The following PCCB variants were observed in gnomAD, a reference collection of about 807,000 sequenced individuals.
PCCB encodes the protein propionyl-CoA carboxylase beta chain, mitochondrial.
A neutral mutation model predicts 60.7 loss-of-function variants in PCCB; 43 were observed. The ratio of observed to expected loss-of-function variants is 0.71; its 90% CI spans 0.55 to 0.91. The LOEUF (loss-of-function observed/expected upper bound fraction) is 0.91, where lower values mean the gene tolerates loss of function less well. PCCB is among the 40% of genes least tolerant of loss of function. The pLI, the probability that PCCB is intolerant of heterozygous loss-of-function variation, is 0.00. For missense variants in PCCB, 766 were observed against 702.8 expected, an observed-to-expected ratio of 1.09 and a Z score of -1.02; for synonymous variants, 276 against 255.9, an observed-to-expected ratio of 1.08 and a Z score of -0.75.
rs557080640 is a variant in PCCB, at chr3:136,258,757, T to C, written c.373-1722T>C. ...TTAATTTCCTTTAGAGAACAAACATTCTCTGTCCTCTCAAGGTGAAGGAGA... is the reference window on the plus strand; with the variant it reads ...TTAATTTCCTTTAGAGAACAAACATCCTCTGTCCTCTCAAGGTGAAGGAGA... On this transcript the variant is annotated intron_variant, in intron 3 of 14. Transcript: ENST00000251654. Among the ~76,000 whole-genome samples, 8 of 152,144 alleles carry C rather than the reference T, an allele frequency of 5.3e-5. No homozygotes were observed. In the South Asian group the frequency reaches 1.7e-3, roughly 32 times the overall value.
In PCCB at chr3:136,329,910, G is replaced by A. The variant is rs763024986; in HGVS notation, c.1504G>A (p.Val502Met). 7.4e-6 allele frequency: 12 copies of A among 1,614,024 alleles called. No homozygotes were observed. The highest frequency in any genetic ancestry group is 1.3e-5 in the African/African-American group (1 of 74,932). ...NPFPAAVRGFVDDIIQPSSTR... is the reference protein window; with the variant it reads ...NPFPAAVRGFMDDIIQPSSTR... ...CCTTTTCTGTGCTTCACCAGGGTTT[G>A]TGGATGACATCATCCAACCTTCTTC... Residue 502 changes from valine to methionine, a missense_variant, in exon 15 of 15, where the codon GTG (valine) becomes ATG (methionine). Transcript: ENST00000251654.
intron 5 of PCCB, among the ~76,000 whole-genome samples, chr3:136,270,830 C>T (rs1161586698): frequency 1.3e-5 from 2 of 151,940 alleles, no homozygotes; most frequent in African/African-American, 2.4e-5. Flanking sequence ...TAATTATGGC[C>T]GTTTTTGTAG....
At chr3:136,252,851 C>T (rs542273725) in intron 1 of PCCB, among the ~76,000 whole-genome samples, 2 of 150,878 alleles carry the variant, frequency 1.3e-5, no homozygotes, top group African/African-American at 4.9e-5. Flanking sequence ...AAATTGGTTT[C>T]CTGAAAACTT....
chr3:136,264,440 G>GTGTATATATATATATATATA, intron 5 of PCCB, among the ~76,000 whole-genome samples: 1,979 of 123,398 alleles, frequency 0.016, 134 homozygotes, highest in African/African-American at 0.052. Context: ...ATGTGTGTGT[G>GTGTATATATATATATATATA]TATATATGTA....
At chr3:136,311,398 A>G (rs1934661293) in intron 9 of PCCB, among the ~76,000 whole-genome samples, 1 of 152,118 alleles carries the variant, frequency 6.6e-6, no homozygotes, top group Non-Finnish European at 1.5e-5. Flanking sequence ...GTCACCCAGG[A>G]TGGAGTGCAG....
rs778065472 is a variant in PCCB at position 136,301,131 on chromosome 3, G to A, written c.966+20G>A. ...CACTCTGTAAGTGCCACATCTGTTT[G>A]TCTTGCCTGTCCTAGTCAGCCACAT... On this transcript the variant is annotated intron_variant, in intron 9 of 14. Coordinates refer to ENST00000251654, the MANE Select transcript of PCCB (RefSeq NM_000532.5). 8 of 1,589,422 alleles carry A rather than the reference G, an allele frequency of 5.0e-6. No individual in the cohort carries two copies. The highest frequency in any genetic ancestry group is 6.9e-6 in the Non-Finnish European group (8 of 1,157,462).
intron 11 of PCCB, 104 bp from the exon 12 acceptor site, chr3:136,327,051 T>G (rs375524787): frequency 4.9e-5 from 59 of 1,198,208 alleles, no homozygotes; most frequent in South Asian, 4.0e-4. Flanking sequence ...TAGGGCTGTG[T>G]AAGGAATGGC....
intron 5 of PCCB, among the ~76,000 whole-genome samples, chr3:136,271,789 G>A (rs1942209742): frequency 6.6e-6 from 1 of 151,928 alleles, no homozygotes; most frequent in Non-Finnish European, 1.5e-5. Context: ...AAGTATATAT[G>A]ATCATATCAC....
At position 136,305,860 on chromosome 3, in the gene PCCB, G is replaced by A. The variant is rs1003565090; in HGVS notation, c.966+4749G>A. Among the ~76,000 whole-genome samples, 5 of 121,700 alleles carry A rather than the reference G, an allele frequency of 4.1e-5. 2 individuals are homozygous for A. The highest frequency in any genetic ancestry group is 1.3e-4 in the African/African-American group (5 of 39,990). 79.8% of individuals were successfully genotyped at this position (121,700 alleles called of 152,430 possible). A position where few individuals can be genotyped will look rare whatever the true frequency, so the allele number is the denominator to read the frequency against. ...AAATCAATACGGTAGTCAGGGGAAGGCATTACTTCTGGGGAAGAAGAGTAC... is the reference window on the plus strand; with the variant it reads ...AAATCAATACGGTAGTCAGGGGAAGACATTACTTCTGGGGAAGAAGAGTAC... On this transcript the variant is annotated intron_variant, in intron 9 of 14. Transcript: ENST00000251654.
intron 9 of PCCB, among the ~76,000 whole-genome samples, chr3:136,311,100 G>A (rs1934645389): frequency 6.6e-6 from 1 of 152,116 alleles, no homozygotes; most frequent in Non-Finnish European, 1.5e-5. Context: ...GGACCAATTA[G>A]AGACAAAAGC....
chr3:136,260,340 A>G lies in PCCB; in HGVS notation c.373-139A>G. ...CCATCCACCTGCCTTGGCCTCCCAA[A>G]GTGTTGGGATTACAGGCATGAGCCA... is the stretch of plus-strand genomic sequence containing the variant. On this transcript the variant is annotated intron_variant, in intron 3 of 14. Transcript: ENST00000251654. 1.4e-6 allele frequency: 1 copy of G among 737,192 alleles called. No individual in the cohort carries two copies. Among genetic ancestry groups the G allele is most frequent in the Non-Finnish European group, 2.4e-6 (1 of 416,468 alleles). 45.7% of individuals were successfully genotyped at this position (737,192 alleles called of 1,614,324 possible).
chr3:136,318,839 A>G (rs192184756), intron 10 of PCCB, among the ~76,000 whole-genome samples: 24 of 152,242 alleles, frequency 1.6e-4, no homozygotes, highest in Admixed American at 1.5e-3. Context: ...GGTTATTTCC[A>G]CCTTTGGGTT....
intron 5 of PCCB, among the ~76,000 whole-genome samples, chr3:136,265,901 C>T (rs1560000995): frequency 6.6e-6 from 1 of 151,714 alleles, no homozygotes; most frequent in Admixed American, 6.6e-5. Flanking sequence ...TCTCGGCTCA[C>T]TGCAAGCTCC....
At chr3:136,313,896 C>T (rs959874140) in intron 9 of PCCB, among the ~76,000 whole-genome samples, 3 of 152,056 alleles carry the variant, frequency 2.0e-5, no homozygotes, top group South Asian at 4.1e-4. Context: ...ATTCTGCTAT[C>T]GGAGAAGGGA....
At chr3:136,320,723 C>T (rs562534148) in intron 10 of PCCB, among the ~76,000 whole-genome samples, 1 of 152,144 alleles carries the variant, frequency 6.6e-6, no homozygotes, top group Non-Finnish European at 1.5e-5. Flanking sequence ...CATTAGCCCT[C>T]TTGTGGATTT....
At chr3:136,329,002 C>T (rs953942598) in intron 14 of PCCB, 145 bp downstream of exon 14, 52 of 723,860 alleles carry the variant, frequency 7.2e-5, no homozygotes, top group Non-Finnish European at 1.1e-4. Context: ...CCTGGGCAGT[C>T]ATCACTTGGA....
chr3:136,283,855 G>T lies in PCCB; in HGVS notation c.562G>T (p.Gly188Ter). 1 of 1,612,916 alleles carries T rather than the reference G, an allele frequency of 6.2e-7. No homozygotes were observed. Among genetic ancestry groups the T allele is most frequent in the Non-Finnish European group, 8.5e-7 (1 of 1,178,988 alleles). The change falls in exon 6 of 15, where the codon GGA (glycine) becomes TGA (stop). Residue 188 changes from glycine to a stop codon, truncating the protein, a stop_gained. Transcript: ENST00000251654. LOFTEE classifies it high-confidence loss of function. ...TTGGCAGAGGAATGTTACGGCATCC[G>T]GAGTCATCCCTCAGATTTCTCTGAT... is the stretch of plus-strand genomic sequence containing the variant. Reference protein sequence around the residue: ...DIFLRNVTASGVIPQISLIMG... With the variant: ...DIFLRNVTAS
intron 5 of PCCB, among the ~76,000 whole-genome samples, chr3:136,278,487 T>TG (rs1330576761): frequency 1.3e-5 from 2 of 152,150 alleles, no homozygotes; most frequent in East Asian, 3.8e-4. Context: ...GCCATCTTGG[T>TG]GGGGGTGGAA....
At chr3:136,281,627 G>T (rs1430934040) in intron 5 of PCCB, among the ~76,000 whole-genome samples, 1 of 151,952 alleles carries the variant, frequency 6.6e-6, no homozygotes, top group Non-Finnish European at 1.5e-5. Context: ...CTTCAGAGAT[G>T]ATTTTTGTTA....
Sources: gnomAD v4.1 joint callset for allele counts (sites outside exome capture counted in the v4.1 genomes callset) on GRCh38, gnomAD v4.1.1 for gene constraint, MANE v1.5 for transcripts, NCBI Gene and HGNC (gene_info 2026-07-23, HGNC 2026-07-21) for gene names.